KSR1: variants seen among roughly 807,000 people sequenced by gnomAD.
The protein encoded by KSR1 is kinase suppressor of ras 1.
A neutral mutation model predicts 92.9 loss-of-function variants in KSR1; 35 were observed. The ratio of observed to expected loss-of-function variants is 0.38; its 90% CI spans 0.29 to 0.50. The LOEUF (loss-of-function observed/expected upper bound fraction) is 0.50. Among genes scored for constraint, KSR1 ranks in the 20% least tolerant of loss-of-function variants. The probability of loss-of-function intolerance (pLI) is 0.94; values close to 1 mark genes in which losing one functional copy is unlikely to be tolerated. For missense variants in KSR1, 972 were observed against 1,158.5 expected, an observed-to-expected ratio of 0.84 and a Z score of 2.34; for synonymous variants, 467 against 472.6, an observed-to-expected ratio of 0.99 and a Z score of 0.15.
Position 27,486,964 on chromosome 17 carries a change from GATGCTGAAACACACTGGAGAATT to G in KSR1, c.231+30091_231+30113del, listed in dbSNP as rs2068683834. On this transcript the variant is annotated intron_variant, in intron 1 of 20. Coordinates refer to ENST00000644974, the MANE Select transcript of KSR1 (RefSeq NM_001394583.1). ...CGCCTTGGGTACTTTCCTGATCTAT[GATGCTGAAACACACTGGAGAATT>G]GCCAGTGACCTTATTTTTTTAGATA... Among the ~76,000 whole-genome samples, 4 of 152,172 alleles carry G rather than the reference GATGCTGAAACACACTGGAGAATT, an allele frequency of 2.6e-5. No individual in the cohort carries two copies. The South Asian group carries it at 8.3e-4, about 32-fold the overall frequency.
chr17:27,617,197 C>T, intron 18 of KSR1, 98 bp from the exon 19 acceptor site: 1 of 1,358,444 alleles, frequency 7.4e-7, no homozygotes, highest in Admixed American at 2.5e-5. Context: ...TTAGAGGGCA[C>T]TTGAGAACAT....
At position 27,488,889 on chromosome 17, in the gene KSR1, G is replaced by A. The variant is rs189741210; in HGVS notation, c.231+32015G>A. Among the ~76,000 whole-genome samples the A allele has an allele frequency of 1.7e-3, 255 of 152,310 alleles. 2 individuals carry two copies. Among genetic ancestry groups the A allele is most frequent in the African/African-American group, 5.7e-3 (235 of 41,574 alleles). ...TGAGGCAAGAGAATTGCTTGAACCC[G>A]GGAGGCGGAGGTTGCAGTAAGCCGA... On this transcript the variant is annotated intron_variant, in intron 1 of 20. Transcript: ENST00000644974.
At chr17:27,509,277 G>C (rs2069506584) in intron 1 of KSR1, among the ~76,000 whole-genome samples, 2 of 151,942 alleles carry the variant, frequency 1.3e-5, no homozygotes, top group Non-Finnish European at 2.9e-5. Flanking sequence ...TTGGGAGGCT[G>C]AGTCAGGAGG....
chr17:27,517,244 A>AC (rs1454344675), intron 1 of KSR1, among the ~76,000 whole-genome samples: 3 of 152,062 alleles, frequency 2.0e-5, no homozygotes, highest in Admixed American at 6.5e-5. Flanking sequence ...CATAATAAGA[A>AC]CCTTGTGCTC....
At chr17:27,558,567 G>A (rs553951439) in intron 2 of KSR1, among the ~76,000 whole-genome samples, 1 of 152,124 alleles carries the variant, frequency 6.6e-6, no homozygotes, top group Non-Finnish European at 1.5e-5. Context: ...CAGCTGTAAC[G>A]CCTGGCACAT....
intron 15 of KSR1, among the ~76,000 whole-genome samples, chr17:27,608,497 C>A (rs926124482): frequency 3.3e-5 from 5 of 152,194 alleles, no homozygotes; most frequent in Admixed American, 2.6e-4. Flanking sequence ...AGGTCACCCA[C>A]GCTCCATGCA....
intron 1 of KSR1, among the ~76,000 whole-genome samples, chr17:27,504,738 C>T (rs553189469): frequency 1.6e-4 from 25 of 152,312 alleles, no homozygotes; most frequent in African/African-American, 5.8e-4. Flanking sequence ...CTGAGTAGCA[C>T]GTGCCCTTGG....
At chr17:27,463,026 G>A (rs1270339511) in intron 1 of KSR1, among the ~76,000 whole-genome samples, 1 of 152,184 alleles carries the variant, frequency 6.6e-6, no homozygotes, top group African/African-American at 2.4e-5. Flanking sequence ...TTTATAAATG[G>A]TGCTGCAACG....
At chr17:27,561,060 G>T (rs2071807350) in intron 2 of KSR1, among the ~76,000 whole-genome samples, 1 of 152,190 alleles carries the variant, frequency 6.6e-6, no homozygotes, top group Admixed American at 6.5e-5. Context: ...GTTGGAGCAT[G>T]GAAGGAAGGG....
chr17:27,556,363 G>A (rs919854089), intron 2 of KSR1, among the ~76,000 whole-genome samples: 9 of 151,922 alleles, frequency 5.9e-5, no homozygotes, highest in Non-Finnish European at 7.4e-5. Context: ...GCAGATGTGC[G>A]CACCACTGCA....
At position 27,501,292 on chromosome 17, in the gene KSR1, C is replaced by CTTTTTTT; in HGVS notation, c.231+44437_231+44443dup. Among the ~76,000 whole-genome samples, 462 of 49,692 alleles carry CTTTTTTT rather than the reference C, an allele frequency of 9.3e-3. 2 individuals carry two copies. Among genetic ancestry groups the CTTTTTTT allele is most frequent in the Middle Eastern group, 0.026 (1 of 38 alleles). The allele number at this position is 49,692 out of a possible 152,430, so 32.6% of individuals were successfully genotyped here. A position where few individuals can be genotyped will look rare whatever the true frequency, so the allele number is the denominator to read the frequency against. Reference sequence around the variant, plus strand: ...TTTTTTTTTTTTAATTTCTTTTCTTCTTTTTTTTTTTTTTTTTTTTTTTTT... The same window carrying CTTTTTTT: ...TTTTTTTTTTTTAATTTCTTTTCTTCTTTTTTTTTTTTTTTTTTTTTTTTTTTTTTTT... On this transcript the variant is annotated intron_variant, in intron 1 of 20. Coordinates refer to ENST00000644974, the MANE Select transcript of KSR1 (RefSeq NM_001394583.1).
chr17:27,603,039 CTT>C (rs2073621886), intron 11 of KSR1, among the ~76,000 whole-genome samples: 1 of 152,242 alleles, frequency 6.6e-6, no homozygotes, highest in East Asian at 1.9e-4. Flanking sequence ...TCCTGTCTCT[CTT>C]TTTGCAGAAA....
intron 1 of KSR1, among the ~76,000 whole-genome samples, chr17:27,475,223 G>T (rs1306456139): frequency 6.6e-6 from 1 of 151,990 alleles, no homozygotes; most frequent in Non-Finnish European, 1.5e-5. Flanking sequence ...GACATTTAGG[G>T]AGGTGCTTGC....
intron 1 of KSR1, among the ~76,000 whole-genome samples, chr17:27,519,542 C>A (rs2069937911): frequency 6.6e-6 from 1 of 152,174 alleles, no homozygotes; most frequent in Non-Finnish European, 1.5e-5. Flanking sequence ...CAAGAATGGG[C>A]AGCCTGAGTG....
At position 27,542,796 on chromosome 17, in the gene KSR1, G is replaced by T. The variant is rs116359188; in HGVS notation, c.232-7772G>T. Among the ~76,000 whole-genome samples, 620 of 152,332 alleles carry T rather than the reference G, an allele frequency of 4.1e-3. 4 individuals carry two copies. Among genetic ancestry groups the T allele is most frequent in the African/African-American group, 0.015 (605 of 41,572 alleles). ...TTCTGGACATTGGACTAAACACTTT[G>T]CATACATGAGTCTGCAGCAAATTCT... On this transcript the variant is annotated intron_variant, in intron 1 of 20. Transcript: ENST00000644974.
intron 2 of KSR1, among the ~76,000 whole-genome samples, chr17:27,573,000 C>G (rs2072370122): frequency 6.6e-6 from 1 of 152,206 alleles, no homozygotes; most frequent in African/African-American, 2.4e-5. Flanking sequence ...GGGCCCCTCA[C>G]TGAGAAAGCC....
rs1244120705 is a variant in KSR1 at position 27,608,009 on chromosome 17, A to G, written c.2090A>G (p.Lys697Arg). Residue 697 changes from lysine (K) to arginine (R), a missense_variant and splice_region_variant, in exon 15 of 21, where the codon AAG (lysine) becomes AGG (arginine). Lys to Arg is a conservative substitution (Grantham distance 26). Around this residue, in one of 5 missense-constraint regions of KSR1, gnomAD observed 260 missense variants for 375.2 expected, o/e 0.69. Transcript: ENST00000644974. ...KTRQIAQEII[K>R]GMGYLHAKGI... is the part of the protein sequence containing the mutation. ...AGGCAAATCGCTCAGGAGATCATCA[A>G]GGTGAGGGGGTGCCCAGCTGCTGGG... 5.6e-6 allele frequency: 9 copies of G among 1,602,988 alleles called. No individual in the cohort carries two copies. Among genetic ancestry groups the G allele is most frequent in the Non-Finnish European group, 7.7e-6 (9 of 1,174,084 alleles).
chr17:27,527,234 A>G, intron 1 of KSR1: 1 of 226,548 alleles, frequency 4.4e-6, no homozygotes, highest in South Asian at 6.7e-5. Flanking sequence ...TTTCCACTAT[A>G]TTTCCCCTGG....
chr17:27,535,140 T>C (rs1478952377), intron 1 of KSR1, among the ~76,000 whole-genome samples: 1 of 152,146 alleles, frequency 6.6e-6, no homozygotes, highest in Admixed American at 6.5e-5. Flanking sequence ...AAATCATGCT[T>C]TCCTGGGTGG....
Sources: allele counts gnomAD v4.1 joint callset (sites outside exome capture counted in the v4.1 genomes callset), GRCh38; gene constraint gnomAD v4.1.1; regional missense constraint gnomAD v4.1.1; transcripts MANE v1.5; gene names NCBI Gene and HGNC (gene_info 2026-07-23, HGNC 2026-07-21).